Variants in ZCCHC24 observed in about 807,000 individuals in gnomAD.
The protein encoded by ZCCHC24 is zinc finger CCHC domain-containing protein 24.
Under a neutral mutation model 26.2 loss-of-function variants are expected in ZCCHC24, and 10 were observed. The observed-to-expected ratio is 0.38, with a 90% CI of 0.24 to 0.65. The LOEUF (loss-of-function observed/expected upper bound fraction) is 0.65, where lower values mean the gene tolerates loss of function less well. Ranked by LOEUF, ZCCHC24 falls within the 30% of genes least tolerant of loss-of-function variation. ZCCHC24 has a pLI of 0.54. For synonymous variants in ZCCHC24, 144 were observed against 147.1 expected (o/e 0.98, Z 0.15); for missense variants, 243 against 329.1 (o/e 0.74, Z 2.03).
Position 79,382,366 on chromosome 10 carries a change from A to G in ZCCHC24, c.*3979T>C, listed in dbSNP as rs567762133. The G allele has an allele frequency of 5.9e-5, 9 of 152,910 alleles. No homozygotes were observed. Among genetic ancestry groups the G allele is most frequent in the Admixed American group, 5.2e-4 (8 of 15,306 alleles). The allele number at this position is 152,910 out of a possible 1,614,324, so 9.5% of individuals were successfully genotyped here. On this transcript the variant is annotated 3_prime_UTR_variant, in exon 4 of 4. Transcript: ENST00000372336. ...CCTTTTAATACAGCATGAAGAGGCT[A>G]TATTTCTATAGGCGAGCCGTATACA...
intron 1 of ZCCHC24, among the ~76,000 whole-genome samples, chr10:79,436,344 T>C (rs72820324): frequency 0.073 from 11,051 of 152,198 alleles, 499 homozygotes; most frequent in South Asian, 0.16. Context: ...GACCTCATCC[T>C]TTCCCCTTAC....
At chr10:79,442,438 C>T (rs1479707613) in intron 1 of ZCCHC24, among the ~76,000 whole-genome samples, 1 of 152,240 alleles carries the variant, frequency 6.6e-6, no homozygotes, top group Non-Finnish European at 1.5e-5. Flanking sequence ...GCACAATGGG[C>T]TTCTGTGCCC....
intron 2 of ZCCHC24, 100 bp from the exon 3 acceptor site, chr10:79,394,540 T>G (rs1049368779): frequency 1.3e-6 from 2 of 1,522,790 alleles, no homozygotes; most frequent in African/African-American, 2.8e-5. Flanking sequence ...ATGTCCTGTG[T>G]CCATGTGTGC....
chr10:79,400,903 G>A (rs1208152970), intron 2 of ZCCHC24, among the ~76,000 whole-genome samples: 2 of 152,240 alleles, frequency 1.3e-5, no homozygotes, highest in African/African-American at 2.4e-5. Context: ...ACACTGTCAC[G>A]TGACACCACA....
intron 2 of ZCCHC24, among the ~76,000 whole-genome samples, chr10:79,396,725 G>A (rs934234703): frequency 7.9e-5 from 12 of 152,228 alleles, no homozygotes; most frequent in Non-Finnish European, 1.6e-4. Context: ...CGTTAAAGAA[G>A]TGCTGGGCTA....
intron 2 of ZCCHC24, among the ~76,000 whole-genome samples, chr10:79,417,073 T>G (rs572634922): frequency 8.5e-5 from 13 of 152,370 alleles, no homozygotes; most frequent in Non-Finnish European, 1.6e-4. Context: ...TAAGTGATTT[T>G]CTGCCAGCCT....
chr10:79,428,338 A>G (rs541848414), intron 2 of ZCCHC24, among the ~76,000 whole-genome samples: 2 of 146,042 alleles, frequency 1.4e-5, no homozygotes, highest in South Asian at 2.1e-4. Flanking sequence ...ACAGAAGGTA[A>G]AATGGTGGTT....
rs1002289601 is a variant in ZCCHC24, at chr10:79,386,318, T to C, written c.*27A>G. 1.2e-5 allele frequency: 19 copies of C among 1,594,478 alleles called. No individual in the cohort carries two copies. Among genetic ancestry groups the C allele is most frequent in the Non-Finnish European group, 1.6e-5 (19 of 1,169,648 alleles). On this transcript the variant is annotated 3_prime_UTR_variant, in exon 4 of 4. Transcript: ENST00000372336. ...AGCGTCTCCTCGGGCTGGCGGGGGG[T>C]GGCTCTGGGTGCGGGCGGGCAGCCC...
chr10:79,428,393 TTTCAGTTTTGCAAGATAA>T (rs2132213535), intron 2 of ZCCHC24, among the ~76,000 whole-genome samples: 1 of 45,252 alleles, frequency 2.2e-5, no homozygotes, highest in Non-Finnish European at 4.8e-5. Flanking sequence ...GGGTACAGTA[TTTCAGTTTTGCAAGATAA>T]ATTTCAGTTT....
At chr10:79,440,859 C>T (rs963907562) in intron 1 of ZCCHC24, among the ~76,000 whole-genome samples, 13 of 152,260 alleles carry the variant, frequency 8.5e-5, no homozygotes, top group Middle Eastern at 6.8e-3. Context: ...AGAAGGTCCA[C>T]GAGGTGTGGT....
chr10:79,394,075 G>A (rs1471786836), intron 3 of ZCCHC24, among the ~76,000 whole-genome samples: 1 of 152,114 alleles, frequency 6.6e-6, no homozygotes, highest in Non-Finnish European at 1.5e-5. Flanking sequence ...CAATTCCCCG[G>A]GGTTCTCTGG....
chr10:79,426,937 AT>A (rs1439918421), intron 2 of ZCCHC24, among the ~76,000 whole-genome samples: 1 of 152,236 alleles, frequency 6.6e-6, no homozygotes, highest in African/African-American at 2.4e-5. Flanking sequence ...ACTATATGCT[AT>A]CTACAGGAGA....
At chr10:79,413,952 G>GC (rs1856829404) in intron 2 of ZCCHC24, among the ~76,000 whole-genome samples, 1 of 152,216 alleles carries the variant, frequency 6.6e-6, no homozygotes, top group South Asian at 2.1e-4. Context: ...TTGCCGCATG[G>GC]CCACATGTGC....
chr10:79,386,467 A>G lies in ZCCHC24; in HGVS notation c.613-9T>C. The G allele has an allele frequency of 6.3e-7, 1 of 1,584,012 alleles. No homozygotes were observed. The highest frequency in any genetic ancestry group is 8.6e-7 in the Non-Finnish European group (1 of 1,158,244). ...GGCTTCTCCAGGGGTCTCTGCAGAGAGAAGGAGGAAGGGGCCCAGGGGAGT... is the reference window on the plus strand; with the variant it reads ...GGCTTCTCCAGGGGTCTCTGCAGAGGGAAGGAGGAAGGGGCCCAGGGGAGT... On this transcript the variant is annotated splice_polypyrimidine_tract_variant and intron_variant, in intron 3 of 3. Coordinates refer to ENST00000372336, the MANE Select transcript of ZCCHC24 (RefSeq NM_153367.4).
intron 1 of ZCCHC24, 148 bp from the exon 2 acceptor site, chr10:79,432,906 G>C: frequency 1.1e-6 from 1 of 871,616 alleles, no homozygotes. Flanking sequence ...ATCCTAACTA[G>C]TGTGTCTCCA....
At chr10:79,398,335 G>GC (rs1856575319) in intron 2 of ZCCHC24, among the ~76,000 whole-genome samples, 1 of 152,226 alleles carries the variant, frequency 6.6e-6, no homozygotes. Flanking sequence ...CCAGGATGAT[G>GC]ATAAAGGACC....
rs1857355380 is a variant in ZCCHC24 at position 79,445,522 on chromosome 10, T to C, written c.-82A>G. The C allele has an allele frequency of 2.3e-5, 27 of 1,168,474 alleles. No homozygotes were observed. Among genetic ancestry groups the C allele is most frequent in the Non-Finnish European group, 2.8e-5 (26 of 930,202 alleles). 72.4% of individuals were successfully genotyped at this position (1,168,474 alleles called of 1,614,324 possible). ...GCGGAGGGGCGGGCACCGGGGAGCC[T>C]GTGCCCACTGCCCGCCTCCCGAGCC... On this transcript the variant is annotated 5_prime_UTR_variant, in exon 1 of 4. Transcript: ENST00000372336.
chr10:79,418,369 G>A (rs1026489498), intron 2 of ZCCHC24, among the ~76,000 whole-genome samples: 1 of 152,180 alleles, frequency 6.6e-6, no homozygotes, highest in African/African-American at 2.4e-5. Context: ...ACAGCCCTGG[G>A]ATGAGAGCTC....
intron 2 of ZCCHC24, among the ~76,000 whole-genome samples, chr10:79,414,540 G>A (rs1823011811): frequency 6.6e-6 from 1 of 152,162 alleles, no homozygotes; most frequent in Non-Finnish European, 1.5e-5. Flanking sequence ...TGAACATCTG[G>A]AACCTCTGGA....
Sources: gnomAD v4.1 joint callset for allele counts (sites outside exome capture counted in the v4.1 genomes callset) on GRCh38, gnomAD v4.1.1 for gene constraint, MANE v1.5 for transcripts, NCBI Gene and HGNC (gene_info 2026-07-23, HGNC 2026-07-21) for gene names.